Variants in GRB10 observed in about 807,000 individuals in gnomAD.
GRB10 encodes the protein growth factor receptor-bound protein 10.
A neutral mutation model predicts 80.9 loss-of-function variants in GRB10; 20 were observed. That is an observed-to-expected ratio of 0.25 (90% CI 0.17 to 0.36). The LOEUF (loss-of-function observed/expected upper bound fraction) is 0.36, where lower values mean the gene tolerates loss of function less well. GRB10 is among the 10% of genes least tolerant of loss of function. GRB10 has a pLI of 1.00. For missense variants in GRB10, 548 were observed against 747.7 expected, an observed-to-expected ratio of 0.73 and a Z score of 3.12; for synonymous variants, 291 against 291.5, an observed-to-expected ratio of 1.00 and a Z score of 0.02.
At chr7:50,750,090 C>T (rs1027044055) in intron 3 of GRB10, among the ~76,000 whole-genome samples, 2 of 152,186 alleles carry the variant, frequency 1.3e-5, no homozygotes, top group African/African-American at 2.4e-5. Flanking sequence ...GAACCTATTT[C>T]GTGAAGACAG....
At chr7:50,612,887 A>C (rs1382857682) in intron 12 of GRB10, 48 bp from the exon 13 acceptor site, 1 of 1,283,636 alleles carries the variant, frequency 7.8e-7, no homozygotes, top group Non-Finnish European at 1.1e-6. Context: ...AGGGAGTCAG[A>C]AACAGCTTCT....
intron 10 of GRB10, among the ~76,000 whole-genome samples, chr7:50,617,481 G>A (rs1280829514): frequency 6.6e-6 from 1 of 152,212 alleles, no homozygotes; most frequent in East Asian, 1.9e-4. Context: ...GGAGGAGTGT[G>A]TGTGAGAGCT....
intron 7 of GRB10, among the ~76,000 whole-genome samples, chr7:50,634,702 T>C (rs1051264679): frequency 2.0e-5 from 3 of 152,064 alleles, no homozygotes; most frequent in Non-Finnish European, 4.4e-5. Flanking sequence ...AAAATATATA[T>C]CATGCAATGG....
intron 7 of GRB10, among the ~76,000 whole-genome samples, chr7:50,635,941 CT>C (rs55836738): frequency 0.53 from 49,969 of 94,656 alleles, 13,397 homozygotes; most frequent in African/African-American, 0.72. Context: ...GGATCCACAG[CT>C]TTTTTTTTTT....
intron 5 of GRB10, among the ~76,000 whole-genome samples, chr7:50,691,941 C>G (rs577246819): frequency 3.7e-4 from 57 of 152,230 alleles, no homozygotes; most frequent in Non-Finnish European, 7.5e-4. Context: ...ACAGTTTCAC[C>G]ATGAGAAAAT....
At chr7:50,705,480 TA>T (rs1342163936) in intron 4 of GRB10, among the ~76,000 whole-genome samples, 9 of 152,178 alleles carry the variant, frequency 5.9e-5, no homozygotes, top group Non-Finnish European at 8.8e-5. Context: ...TTTTGTATGC[TA>T]AAAAATGAAC....
intron 5 of GRB10, among the ~76,000 whole-genome samples, chr7:50,698,466 T>A (rs2153664046): frequency 6.6e-6 from 1 of 152,380 alleles, no homozygotes; most frequent in Non-Finnish European, 1.5e-5. Flanking sequence ...GTTCTTTCAC[T>A]TTTAATTATT....
chr7:50,621,566 G>A (rs1218470594), intron 8 of GRB10, among the ~76,000 whole-genome samples: 1 of 152,196 alleles, frequency 6.6e-6, no homozygotes, highest in East Asian at 1.9e-4. Flanking sequence ...AATGCTCCAG[G>A]CACCAGTGTT....
At chr7:50,688,523 A>T (rs2062382486) in intron 5 of GRB10, among the ~76,000 whole-genome samples, 1 of 152,188 alleles carries the variant, frequency 6.6e-6, no homozygotes, top group Non-Finnish European at 1.5e-5. Flanking sequence ...CAGCCCATAG[A>T]CAAAGGCCGG....
At chr7:50,657,956 C>T (rs1322071060) in intron 7 of GRB10, among the ~76,000 whole-genome samples, 2 of 151,986 alleles carry the variant, frequency 1.3e-5, no homozygotes, top group Admixed American at 6.6e-5. Context: ...GAGACTGAGG[C>T]GAGAGCCTAA....
chr7:50,630,043 C>T (rs2053715070), intron 7 of GRB10, among the ~76,000 whole-genome samples: 1 of 152,192 alleles, frequency 6.6e-6, no homozygotes, highest in Admixed American at 6.5e-5. Context: ...GAAGCTGAGA[C>T]CCACAAGTTC....
intron 2 of GRB10, chr7:50,761,823 C>T (rs540246786): frequency 2.6e-5 from 4 of 152,248 alleles, no homozygotes; most frequent in South Asian, 2.1e-4. Flanking sequence ...TAGCACCATC[C>T]TCGTGGTGCT....
chr7:50,614,731 G>T, intron 12 of GRB10, 39 bp downstream of exon 12: 1 of 1,288,988 alleles, frequency 7.8e-7, no homozygotes. Flanking sequence ...CCTGTGGGCT[G>T]CTGAGCATGC....
intron 4 of GRB10, among the ~76,000 whole-genome samples, chr7:50,714,717 G>A (rs532130268): frequency 9.9e-5 from 15 of 151,578 alleles, no homozygotes; most frequent in African/African-American, 3.6e-4. Context: ...GCTCCCAGGT[G>A]GGGTGCACAA....
intron 7 of GRB10, among the ~76,000 whole-genome samples, chr7:50,644,072 T>C (rs2056759524): frequency 6.6e-6 from 1 of 152,190 alleles, no homozygotes; most frequent in African/African-American, 2.4e-5. Context: ...ATGGGGGCCC[T>C]TGTTTCAGGG....
chr7:50,752,398 G>A (rs751912029), intron 3 of GRB10, among the ~76,000 whole-genome samples: 5 of 152,132 alleles, frequency 3.3e-5, no homozygotes, highest in African/African-American at 9.7e-5. Flanking sequence ...GGAGCAAAAC[G>A]GTTGTGTGGC....
At chr7:50,730,759 A>C (rs150672804) in intron 4 of GRB10, among the ~76,000 whole-genome samples, 132 of 152,306 alleles carry the variant, frequency 8.7e-4, no homozygotes, top group African/African-American at 3.0e-3. Flanking sequence ...TTCTGTAGGT[A>C]CCAGCAGGAA....
At chr7:50,645,811 C>G (rs1033304828) in intron 7 of GRB10, among the ~76,000 whole-genome samples, 1 of 152,180 alleles carries the variant, frequency 6.6e-6, no homozygotes, top group Non-Finnish European at 1.5e-5. Flanking sequence ...AGGGAACTGT[C>G]ACCAGAGCCC....
chr7:50,774,995 C>CAA (rs200448804), intron 2 of GRB10, among the ~76,000 whole-genome samples: 3 of 123,408 alleles, frequency 2.4e-5, no homozygotes, highest in Non-Finnish European at 3.7e-5. Context: ...AAAAACAAAA[C>CAA]AAAACAAAAA....
Sources: gnomAD v4.1 joint callset for allele counts (sites outside exome capture counted in the v4.1 genomes callset) on GRCh38, gnomAD v4.1.1 for gene constraint, MANE v1.5 for transcripts, NCBI Gene and HGNC (gene_info 2026-07-23, HGNC 2026-07-21) for gene names.